Variants in STPG2 observed in about 807,000 individuals in gnomAD.
The protein encoded by STPG2 is sperm-tail PG-rich repeat-containing protein 2.
Under a neutral mutation model 54.2 loss-of-function variants are expected in STPG2, and 56 were observed. The observed-to-expected ratio is 1.03, with a 90% CI of 0.83 to 1.29. The LOEUF (loss-of-function observed/expected upper bound fraction) is 1.29, where lower values mean the gene tolerates loss of function less well. Ranked by LOEUF, STPG2 falls within the 50% of genes most tolerant of loss-of-function variation. STPG2 has a pLI of 0.00. For synonymous variants in STPG2, 200 were observed against 181.8 expected (o/e 1.10, Z -0.81); for missense variants, 596 against 544.9 (o/e 1.09, Z -0.93).
At chr4:97,983,166 T>TG (rs1734731399) in intron 5 of STPG2, among the ~76,000 whole-genome samples, 1 of 152,214 alleles carries the variant, frequency 6.6e-6, no homozygotes, top group Admixed American at 6.5e-5. Context: ...GTCTATTGAA[T>TG]GTAATGACAA....
At chr4:97,841,595 A>G (rs1412218383) in intron 8 of STPG2, among the ~76,000 whole-genome samples, 2 of 151,840 alleles carry the variant, frequency 1.3e-5, no homozygotes, top group African/African-American at 4.8e-5. Context: ...CTCAAATTAT[A>G]ACATATTCCT....
intron 8 of STPG2, among the ~76,000 whole-genome samples, chr4:97,942,604 T>C (rs1733032046): frequency 6.6e-6 from 1 of 152,156 alleles, no homozygotes; most frequent in Non-Finnish European, 1.5e-5. Context: ...AGTCCACTCC[T>C]GAATAGCTTT....
At chr4:97,471,600 T>G (rs1203652010) in intron 4 of STPG2, among the ~76,000 whole-genome samples, 3 of 152,126 alleles carry the variant, frequency 2.0e-5, no homozygotes, top group Non-Finnish European at 1.5e-5. Context: ...GGGACCATCT[T>G]AGGGGAGGAA....
At chr4:97,924,328 T>G (rs977299489) in intron 8 of STPG2, among the ~76,000 whole-genome samples, 1 of 152,204 alleles carries the variant, frequency 6.6e-6, no homozygotes, top group African/African-American at 2.4e-5. Flanking sequence ...TAAAAACATT[T>G]TAAACATATG....
chr4:97,780,963 C>T (rs1726583869), intron 9 of STPG2, among the ~76,000 whole-genome samples: 1 of 151,872 alleles, frequency 6.6e-6, no homozygotes, highest in South Asian at 2.1e-4. Context: ...GCACTAAATG[C>T]CCACAAGAGA....
At chr4:98,126,288 C>G (rs1286095423) in intron 3 of STPG2, among the ~76,000 whole-genome samples, 1 of 152,232 alleles carries the variant, frequency 6.6e-6, no homozygotes, top group Non-Finnish European at 1.5e-5. Context: ...CATCTCAGTG[C>G]CTGCCCAAGT....
At chr4:98,086,095 A>G (rs1183690628) in intron 5 of STPG2, among the ~76,000 whole-genome samples, 1 of 152,156 alleles carries the variant, frequency 6.6e-6, no homozygotes, top group African/African-American at 2.4e-5. Context: ...TATTATATGT[A>G]CCATTAATTT....
At chr4:98,025,890 G>C (rs1207987191) in intron 5 of STPG2, 1 of 1,592,422 alleles carries the variant, frequency 6.3e-7, no homozygotes. Flanking sequence ...GCTGTGGATG[G>C]AGGCTTGTCT....
intron 10 of STPG2, among the ~76,000 whole-genome samples, chr4:97,595,348 G>A (rs1260199921): frequency 6.9e-6 from 1 of 144,404 alleles, no homozygotes; most frequent in Non-Finnish European, 1.5e-5. Flanking sequence ...ACTATCGCAA[G>A]GACAAAAAAC....
chr4:97,736,537 A>C (rs1426917149), intron 9 of STPG2, among the ~76,000 whole-genome samples: 1 of 152,088 alleles, frequency 6.6e-6, no homozygotes. Context: ...GGCTTAAAAA[A>C]CGGCACACCA....
intron 4 of STPG2, among the ~76,000 whole-genome samples, chr4:97,516,570 C>A (rs1362204294): frequency 6.6e-6 from 1 of 152,020 alleles, no homozygotes; most frequent in Non-Finnish European, 1.5e-5. Context: ...CACGTGTAAT[C>A]CCAGCACTTT....
intron 8 of STPG2, among the ~76,000 whole-genome samples, chr4:97,857,310 G>A (rs1729368022): frequency 6.6e-6 from 1 of 152,042 alleles, no homozygotes; most frequent in African/African-American, 2.4e-5. Flanking sequence ...TGGTTGGTAG[G>A]CTATTTATCA....
At chr4:98,082,260 C>T (rs1578839211) in intron 5 of STPG2, among the ~76,000 whole-genome samples, 1 of 152,026 alleles carries the variant, frequency 6.6e-6, no homozygotes, top group East Asian at 1.9e-4. Flanking sequence ...TCCTACCCCA[C>T]TTTATAACCC....
At chr4:97,723,987 C>G (rs1392532541) in intron 9 of STPG2, among the ~76,000 whole-genome samples, 1 of 152,160 alleles carries the variant, frequency 6.6e-6, no homozygotes, top group Non-Finnish European at 1.5e-5. Flanking sequence ...GTAAGTTTGT[C>G]AGTTTTCCCA....
chr4:97,770,087 T>C (rs1215234025), intron 9 of STPG2, among the ~76,000 whole-genome samples: 1 of 152,188 alleles, frequency 6.6e-6, no homozygotes, highest in East Asian at 1.9e-4. Context: ...TGTAGGTGCC[T>C]GTAATCCCAG....
intron 3 of STPG2, among the ~76,000 whole-genome samples, chr4:98,122,130 T>C (rs1309169418): frequency 6.6e-6 from 1 of 152,158 alleles, no homozygotes; most frequent in Non-Finnish European, 1.5e-5. Context: ...AGATGTAGAA[T>C]CATGTCACCT....
chr4:97,601,037 A>G (rs2148906496), intron 10 of STPG2, among the ~76,000 whole-genome samples: 1 of 152,234 alleles, frequency 6.6e-6, no homozygotes, highest in East Asian at 1.9e-4. Context: ...AAATGTGATG[A>G]AAGTGATTGG....
At chr4:97,939,442 T>C (rs901077280) in intron 8 of STPG2, among the ~76,000 whole-genome samples, 6 of 152,236 alleles carry the variant, frequency 3.9e-5, no homozygotes, top group African/African-American at 1.4e-4. Context: ...TCTGTGTCTC[T>C]TTGTAGGTCT....
chr4:98,015,486 T>G (rs1316879497), intron 5 of STPG2, among the ~76,000 whole-genome samples: 1 of 152,022 alleles, frequency 6.6e-6, no homozygotes, highest in Admixed American at 6.6e-5. Context: ...ATTACAGAAA[T>G]GCAAATCAAA....
Sources: gnomAD v4.1 joint callset for allele counts (sites outside exome capture counted in the v4.1 genomes callset) on GRCh38, gnomAD v4.1.1 for gene constraint, MANE v1.5 for transcripts, NCBI Gene and HGNC (gene_info 2026-07-23, HGNC 2026-07-21) for gene names.